Variants in NFAT5 observed in about 807,000 individuals in gnomAD.
NFAT5 encodes nuclear factor of activated T-cells 5.
In NFAT5, 31 loss-of-function variants were observed where a neutral mutation model predicts 166.5. The observed-to-expected ratio is 0.19, with a 90% CI of 0.14 to 0.25. NFAT5 has a LOEUF of 0.25. NFAT5 is among the 10% of genes least tolerant of loss of function. The pLI is 1.00. For missense variants in NFAT5, 1,449 were observed against 1,821.8 expected (o/e 0.80, Z 3.72); for synonymous variants, 612 against 639.7 (o/e 0.96, Z 0.65).
rs754106525 is a variant in NFAT5, at chr16:69,574,018, C to T, written c.127+5470C>T. Among the ~76,000 whole-genome samples, 38 of 151,950 alleles carry T rather than the reference C, an allele frequency of 2.5e-4. 2 individuals carry two copies. Among genetic ancestry groups the T allele is most frequent in the East Asian group, 5.8e-4 (3 of 5,170 alleles). On this transcript the variant is annotated intron_variant, in intron 2 of 14. Transcript: ENST00000349945. ...TCCCAAGTAGCTGGGATTACAAGGG[C>T]GCACCACCACACCTGGCTAATACTG...
At chr16:69,694,675 T>G (rs2037699851) in intron 13 of NFAT5, among the ~76,000 whole-genome samples, 1 of 152,232 alleles carries the variant, frequency 6.6e-6, no homozygotes, top group Non-Finnish European at 1.5e-5. Flanking sequence ...ATGGTGATAA[T>G]ATTACATACT....
chr16:69,660,276 A>G (rs964178326), intron 7 of NFAT5, among the ~76,000 whole-genome samples: 6 of 152,148 alleles, frequency 3.9e-5, no homozygotes, highest in Non-Finnish European at 7.3e-5. Flanking sequence ...AAAAATATAT[A>G]TAATAAGTTG....
At chr16:69,596,717 TAAAA>T (rs1177895504) in intron 2 of NFAT5, among the ~76,000 whole-genome samples, 1 of 125,150 alleles carries the variant, frequency 8.0e-6, no homozygotes, top group Admixed American at 8.2e-5. Context: ...GACTCTATCT[TAAAA>T]AAAAAAAAAA....
intron 2 of NFAT5, among the ~76,000 whole-genome samples, chr16:69,599,222 A>AT (rs1555520365): frequency 1.3e-5 from 2 of 151,844 alleles, no homozygotes; most frequent in Non-Finnish European, 2.9e-5. Context: ...TATACTAAAA[A>AT]CACTGAATCA....
intron 2 of NFAT5, among the ~76,000 whole-genome samples, chr16:69,595,988 A>G (rs1251334356): frequency 6.6e-6 from 1 of 152,200 alleles, no homozygotes; most frequent in African/African-American, 2.4e-5. Context: ...AAATTTCATC[A>G]TGCTACTTAG....
Position 69,691,864 on chromosome 16 carries a change from A to G in NFAT5, c.2039A>G (p.Gln680Arg), listed in dbSNP as rs762502458. 3 of 1,614,204 alleles carry G rather than the reference A, an allele frequency of 1.9e-6. No homozygotes were observed. The highest frequency in any genetic ancestry group is 2.2e-5 in the South Asian group (2 of 91,082). ...SSHLPSENEK[Q>R]QQIQPKAYNP... is the part of the protein sequence containing the mutation. Reference sequence around the variant, plus strand: ...CACCTACCTTCTGAAAATGAAAAACAGCAGCAGATTCAGCCCAAGGCATAC... The same window carrying G: ...CACCTACCTTCTGAAAATGAAAAACGGCAGCAGATTCAGCCCAAGGCATAC... Residue 680 changes from glutamine (Q) to arginine (R), a missense_variant, in exon 13 of 15, where the codon CAG becomes CGG. By Grantham distance (43) the Gln-to-Arg change is conservative (BLOSUM62 1). Transcript: ENST00000349945.
intron 3 of NFAT5, chr16:69,646,465 T>C: frequency 3.9e-6 from 3 of 773,404 alleles, no homozygotes; most frequent in Non-Finnish European, 5.4e-6. Flanking sequence ...AATTGATATC[T>C]GGAATAATCA....
intron 2 of NFAT5, among the ~76,000 whole-genome samples, chr16:69,569,510 T>TC (rs1277838150): frequency 4.6e-5 from 7 of 152,152 alleles, no homozygotes. Context: ...TTGGAGGTAG[T>TC]CCGGGATAGT....
chr16:69,664,765 C>A (rs1475813207), intron 7 of NFAT5, among the ~76,000 whole-genome samples: 1 of 152,130 alleles, frequency 6.6e-6, no homozygotes, highest in Non-Finnish European at 1.5e-5. Context: ...CAGTGGCTCA[C>A]GCCTGTAATC....
chr16:69,618,654 G>A (rs932072161), intron 2 of NFAT5, among the ~76,000 whole-genome samples: 3 of 152,130 alleles, frequency 2.0e-5, no homozygotes, highest in African/African-American at 7.2e-5. Flanking sequence ...ATGGAGAGGT[G>A]GAAGAGTAAG....
chr16:69,577,186 G>C (rs1002240121), intron 2 of NFAT5, among the ~76,000 whole-genome samples: 1 of 152,016 alleles, frequency 6.6e-6, no homozygotes, highest in Admixed American at 6.5e-5. Context: ...ATGGCATCTT[G>C]TATCCTTTCT....
At chr16:69,661,639 C>T (rs1431192516) in intron 7 of NFAT5, among the ~76,000 whole-genome samples, 1 of 146,458 alleles carries the variant, frequency 6.8e-6, no homozygotes, top group African/African-American at 2.5e-5. Flanking sequence ...TGCCTCATTG[C>T]TCATTCAGTC....
In NFAT5 at chr16:69,693,718, C is replaced by T. The variant is rs2037653444; in HGVS notation, c.3893C>T (p.Ala1298Val). The T allele has an allele frequency of 3.1e-6, 5 of 1,614,192 alleles. No homozygotes were observed. Among genetic ancestry groups the T allele is most frequent in the Middle Eastern group, 1.6e-4 (1 of 6,062 alleles). ...AATCAGAATACCATGGCTACAATGG[C>T]GTCTCCAAAGCAACCACCACCAAAC... ...FSNQNTMATMASPKQPPPNMI... is the reference protein window; with the variant it reads ...FSNQNTMATMVSPKQPPPNMI... Residue 1298 changes from alanine (A) to valine (V), a missense_variant, in exon 13 of 15, where the codon GCG becomes GTG. Transcript: ENST00000349945.
chr16:69,700,937 C>G lies in NFAT5; in HGVS notation c.*4586C>G, dbSNP rs1015520406. ...GTGGATGGTCCCAGGTCCCAGTGCTCTAGTTACTTTACTTCTTTTTTTTTT... is the reference window on the plus strand; with the variant it reads ...GTGGATGGTCCCAGGTCCCAGTGCTGTAGTTACTTTACTTCTTTTTTTTTT... On this transcript the variant is annotated 3_prime_UTR_variant, in exon 15 of 15. Transcript: ENST00000349945. 3.3e-5 allele frequency: 5 copies of G among 150,240 alleles called. No homozygotes were observed. The highest frequency in any genetic ancestry group is 9.8e-5 in the African/African-American group (4 of 40,838). 9.3% of individuals were successfully genotyped at this position (150,240 alleles called of 1,614,324 possible).
intron 3 of NFAT5, among the ~76,000 whole-genome samples, chr16:69,628,059 C>T (rs934253677): frequency 1.3e-5 from 2 of 152,048 alleles, no homozygotes; most frequent in African/African-American, 4.8e-5. Flanking sequence ...TGCTTTTTAA[C>T]ATCTGTTGAC....
intron 2 of NFAT5, among the ~76,000 whole-genome samples, chr16:69,625,381 G>A (rs992346023): frequency 6.6e-6 from 1 of 151,774 alleles, no homozygotes; most frequent in African/African-American, 2.4e-5. Context: ...AAAGATACAG[G>A]GTTCTTTAAT....
chr16:69,653,783 A>G (rs950477856), intron 5 of NFAT5, among the ~76,000 whole-genome samples: 2 of 151,926 alleles, frequency 1.3e-5, no homozygotes, highest in African/African-American at 4.8e-5. Flanking sequence ...TGTTGGCGAG[A>G]CTGGTCTGGA....
chr16:69,609,422 T>A (rs2033594338), intron 2 of NFAT5, among the ~76,000 whole-genome samples: 1 of 152,138 alleles, frequency 6.6e-6, no homozygotes, highest in African/African-American at 2.4e-5. Context: ...TTAAAAAAAA[T>A]ATACATATGT....
chr16:69,631,087 G>GAA (rs2034694255), intron 3 of NFAT5, among the ~76,000 whole-genome samples: 1 of 152,074 alleles, frequency 6.6e-6, no homozygotes, highest in Non-Finnish European at 1.5e-5. Context: ...TTTCTAAGTG[G>GAA]ACTGTTTGAA....
Sources: gnomAD v4.1 joint callset for allele counts (sites outside exome capture counted in the v4.1 genomes callset) on GRCh38, gnomAD v4.1.1 for gene constraint, MANE v1.5 for transcripts, NCBI Gene and HGNC (gene_info 2026-07-23, HGNC 2026-07-21) for gene names.